SCAND3: variants seen among roughly 807,000 people sequenced by gnomAD.
SCAND3 encodes SCAN domain containing 3, also known as SCAN domain-containing protein 3.
chr6:28,610,034 A>G, the SCAND3 span, among the ~76,000 whole-genome samples: 7 of 151,720 alleles, frequency 4.6e-5, no homozygotes, highest in African/African-American at 1.7e-4. Context: ...AGACCAGCCT[A>G]GCAACAGGGT....
chr6:28,599,526 G>A, the SCAND3 span, among the ~76,000 whole-genome samples: 1 of 152,190 alleles, frequency 6.6e-6, no homozygotes, highest in African/African-American at 2.4e-5. Context: ...GAATCATGGG[G>A]CAGATCTTCT....
At chr6:28,590,469 C>T in the SCAND3 span, 1 of 152,124 alleles carries the variant, frequency 6.6e-6, no homozygotes, top group African/African-American at 2.4e-5. Flanking sequence ...CTGGAAAATT[C>T]CTTATAGACA....
chr6:28,614,793 C>T, the SCAND3 span, among the ~76,000 whole-genome samples: 1 of 152,090 alleles, frequency 6.6e-6, no homozygotes, highest in Non-Finnish European at 1.5e-5. Context: ...AAACTGTACA[C>T]ATGTAACAAT....
the SCAND3 span, among the ~76,000 whole-genome samples, chr6:28,605,273 A>T: frequency 2.6e-5 from 4 of 152,156 alleles, no homozygotes; most frequent in African/African-American, 9.7e-5. Flanking sequence ...AAGTCACTTT[A>T]GCGCCCAGAA....
chr6:28,598,683 A>AAAAATAAAATAAAAT, the SCAND3 span, among the ~76,000 whole-genome samples: 2,850 of 138,066 alleles, frequency 0.021, 58 homozygotes, highest in Non-Finnish European at 0.03. Context: ...TGTTTCTACT[A>AAAAATAAAATAAAAT]AAAATAAAAT....
At chr6:28,602,705 G>C in the SCAND3 span, among the ~76,000 whole-genome samples, 2 of 151,990 alleles carry the variant, frequency 1.3e-5, no homozygotes, top group Non-Finnish European at 2.9e-5. Context: ...ATAGCTTTAT[G>C]ATTTTTGCTA....
At chr6:28,574,971 A>G in the SCAND3 span, 1 of 1,613,628 alleles carries the variant, frequency 6.2e-7, no homozygotes, top group South Asian at 1.1e-5. Flanking sequence ...GATTCTCTTC[A>G]ATATCACTAC....
chr6:28,613,485 T>A, the SCAND3 span, among the ~76,000 whole-genome samples: 1 of 152,210 alleles, frequency 6.6e-6, no homozygotes, highest in African/African-American at 2.4e-5. Context: ...TAACAATGGT[T>A]ATAATCTGAG....
the SCAND3 span, among the ~76,000 whole-genome samples, chr6:28,611,603 A>G: frequency 4.9e-3 from 741 of 152,328 alleles, 10 homozygotes; most frequent in African/African-American, 0.017. Context: ...ACTCACCTGC[A>G]CAGAACTCTT....
chr6:28,608,725 A>G, the SCAND3 span, among the ~76,000 whole-genome samples: 761 of 152,332 alleles, frequency 5.0e-3, 10 homozygotes, highest in African/African-American at 0.017. Flanking sequence ...GAGGCTGGGC[A>G]TGGTGGCTTA....
chr6:28,572,885 G>C, the SCAND3 span: 10 of 1,613,796 alleles, frequency 6.2e-6, no homozygotes, highest in African/African-American at 1.3e-5. The surrounding 1 kb of genome is among the most constrained non-coding windows in gnomAD (Gnocchi z 4.1). Flanking sequence ...CTTTCTCGAT[G>C]AATGAAGCAA....
the SCAND3 span, among the ~76,000 whole-genome samples, chr6:28,614,526 G>A: frequency 2.6e-5 from 4 of 151,858 alleles, no homozygotes; most frequent in Admixed American, 6.6e-5. Context: ...GTGCAGTGGT[G>A]TGATCTTGGC....
At chr6:28,579,331 T>C in the SCAND3 span, 1 of 1,614,088 alleles carries the variant, frequency 6.2e-7, no homozygotes, top group South Asian at 1.1e-5. The surrounding 1 kb of genome is among the most constrained non-coding windows in gnomAD (Gnocchi z 4.5). Flanking sequence ...TTCCATAGAC[T>C]GAAGCTGGGT....
chr6:28,572,356 A>G, the SCAND3 span: 2 of 1,608,276 alleles, frequency 1.2e-6, no homozygotes, highest in South Asian at 2.2e-5. This position sits in a 1 kb window ranked among gnomAD's most constrained non-coding sequence, Gnocchi z 4.1. Flanking sequence ...ATGTTCACTG[A>G]TAACTTTTCG....
the SCAND3 span, among the ~76,000 whole-genome samples, chr6:28,615,558 G>A: frequency 3.4e-5 from 5 of 145,518 alleles, no homozygotes; most frequent in East Asian, 1.0e-3. Context: ...CCATGATCGC[G>A]CCACTGCACT....
chr6:28,603,373 A>G, the SCAND3 span, among the ~76,000 whole-genome samples: 1 of 152,168 alleles, frequency 6.6e-6, no homozygotes, highest in Non-Finnish European at 1.5e-5. Context: ...AATATATCTT[A>G]TTGTTTCCTG....
chr6:28,575,177 AG>A, the SCAND3 span: 2 of 1,614,126 alleles, frequency 1.2e-6, no homozygotes, highest in Non-Finnish European at 1.7e-6. The surrounding 1 kb of genome is among the most constrained non-coding windows in gnomAD (Gnocchi z 4.2). Flanking sequence ...CTTCTGTGAT[AG>A]GGCTGATTTT....
At chr6:28,573,324 C>G in the SCAND3 span, 1 of 1,614,124 alleles carries the variant, frequency 6.2e-7, no homozygotes, top group East Asian at 2.2e-5. Context: ...ATTCACCCAA[C>G]ATTTCCAAGC....
chr6:28,592,616 C>CA, the SCAND3 span, among the ~76,000 whole-genome samples: 6 of 151,896 alleles, frequency 4.0e-5, no homozygotes, highest in African/African-American at 1.5e-4. The surrounding 1 kb of genome is among the most constrained non-coding windows in gnomAD (Gnocchi z 4.1). Context: ...CTCAAATAGA[C>CA]AAAAAAATCT....
Sources: allele counts gnomAD v4.1 joint callset (sites outside exome capture counted in the v4.1 genomes callset), GRCh38; gene constraint gnomAD v4.1.1; non-coding constraint Gnocchi (gnomAD v3.1); transcripts MANE v1.5; gene names NCBI Gene and HGNC (gene_info 2026-07-23, HGNC 2026-07-21).